Variants in RNF169 observed in about 807,000 individuals in gnomAD.
The protein encoded by RNF169 is ring finger protein 169.
RNF169 carries 24 observed loss-of-function variants against 53.9 expected under a neutral mutation model. That is an observed-to-expected ratio of 0.45 (90% CI 0.32 to 0.63). The LOEUF is 0.63. RNF169 is among the 20% of genes least tolerant of loss of function. The pLI is 0.04. For missense variants in RNF169, 883 were observed against 906.2 expected, an observed-to-expected ratio of 0.97 and a Z score of 0.33; for synonymous variants, 396 against 363.5, an observed-to-expected ratio of 1.09 and a Z score of -1.02.
At chr11:74,772,409 C>A in intron 1 of RNF169, among the ~76,000 whole-genome samples, 1 of 151,164 alleles carries the variant, frequency 6.6e-6, no homozygotes, top group East Asian at 1.9e-4. Context: ...TGTGTGGAAA[C>A]CCCTAGCACA....
intron 4 of RNF169, among the ~76,000 whole-genome samples, chr11:74,818,568 G>GT (rs1344911730): frequency 6.6e-6 from 1 of 151,968 alleles, no homozygotes; most frequent in African/African-American, 2.4e-5. Flanking sequence ...TTTTTAAAAC[G>GT]TTTTTTGTAG....
At chr11:74,757,175 G>A (rs1169491266) in intron 1 of RNF169, among the ~76,000 whole-genome samples, 1 of 118,136 alleles carries the variant, frequency 8.5e-6, no homozygotes, top group East Asian at 2.6e-4. Context: ...AGTCCCCAGA[G>A]TGTGATAGTC....
At chr11:74,831,129 T>C (rs1173998569) in intron 4 of RNF169, 1 of 152,118 alleles carries the variant, frequency 6.6e-6, no homozygotes, top group Non-Finnish European at 1.5e-5. Context: ...CTGTTCAACA[T>C]TGTACTGGAA....
intron 1 of RNF169, among the ~76,000 whole-genome samples, chr11:74,773,431 G>C (rs142461528): frequency 5.9e-5 from 9 of 152,074 alleles, no homozygotes; most frequent in Non-Finnish European, 1.0e-4. Flanking sequence ...ATAGCATTTA[G>C]GATAATATAA....
At chr11:74,799,202 A>T (rs1035752207) in intron 2 of RNF169, among the ~76,000 whole-genome samples, 2 of 152,032 alleles carry the variant, frequency 1.3e-5, no homozygotes, top group African/African-American at 4.8e-5. Flanking sequence ...GAACCAGAAA[A>T]TAAGTATAGA....
chr11:74,824,901 G>A (rs1220928893), intron 4 of RNF169, among the ~76,000 whole-genome samples: 1 of 152,178 alleles, frequency 6.6e-6, no homozygotes, highest in Admixed American at 6.5e-5. Flanking sequence ...ATTAAACTCT[G>A]CAATTAAGAG....
At chr11:74,806,974 A>C (rs560090910) in intron 2 of RNF169, among the ~76,000 whole-genome samples, 5 of 151,944 alleles carry the variant, frequency 3.3e-5, no homozygotes, top group South Asian at 2.1e-4. Flanking sequence ...AAAAGTAAAG[A>C]TTCTTTTCGG....
At chr11:74,767,448 C>T (rs977181549) in intron 1 of RNF169, among the ~76,000 whole-genome samples, 45 of 152,230 alleles carry the variant, frequency 3.0e-4, no homozygotes, top group African/African-American at 9.4e-4. Context: ...CTCTGTCACC[C>T]AGACTGGAGT....
Position 74,836,012 on chromosome 11 carries a change from A to C in RNF169, c.1409A>C (p.His470Pro). ...GAGTTACTAGGCTCTGAAGGTATCC[A>C]TTCTAGCAAGGAGAAGCCACTTGTG... ...GEELLGSEGI[H>P]SSKEKPLVAV... Residue 470 changes from histidine (H) to proline (P), a missense_variant, in exon 6 of 6, where the codon CAT becomes CCT. Transcript: ENST00000299563. 2 of 1,614,180 alleles carry C rather than the reference A, an allele frequency of 1.2e-6. No individual in the cohort carries two copies. The highest frequency in any genetic ancestry group is 8.5e-7 in the Non-Finnish European group (1 of 1,180,036).
chr11:74,786,688 C>T (rs561050664), intron 1 of RNF169, among the ~76,000 whole-genome samples: 55 of 152,338 alleles, frequency 3.6e-4, no homozygotes, highest in Non-Finnish European at 6.6e-4. Flanking sequence ...TGCCACTCTA[C>T]TGGCTAAAAT....
At chr11:74,799,503 T>C (rs967708987) in intron 2 of RNF169, among the ~76,000 whole-genome samples, 2 of 152,188 alleles carry the variant, frequency 1.3e-5, no homozygotes, top group African/African-American at 4.8e-5. Context: ...ACTCAGGTTA[T>C]TTCTGCAGTG....
In RNF169 at chr11:74,836,790, G is replaced by A; in HGVS notation, c.*60G>A. 1 of 1,304,872 alleles carries A rather than the reference G, an allele frequency of 7.7e-7. No individual in the cohort carries two copies. The highest frequency in any genetic ancestry group is 1.1e-6 in the Non-Finnish European group (1 of 947,384). 80.8% of individuals were successfully genotyped at this position (1,304,872 alleles called of 1,614,324 possible). A position where few individuals can be genotyped will look rare whatever the true frequency, so the allele number is the denominator to read the frequency against. On this transcript the variant is annotated 3_prime_UTR_variant, in exon 6 of 6. Transcript: ENST00000299563. ...TTAGGCCTTGATCATTTATCCTGAA[G>A]AGCTGAGTGTTCTCACTTTGGTTTT...
At chr11:74,828,406 A>G (rs180811213) in intron 4 of RNF169, among the ~76,000 whole-genome samples, 1 of 152,368 alleles carries the variant, frequency 6.6e-6, no homozygotes, top group East Asian at 1.9e-4. Flanking sequence ...TGTACTGCCC[A>G]AAGCAATTTA....
At position 74,839,950 on chromosome 11, in the gene RNF169, T is replaced by A. The variant is rs1050592259; in HGVS notation, c.*3220T>A. On this transcript the variant is annotated 3_prime_UTR_variant, in exon 6 of 6. Transcript: ENST00000299563. ...GTGGCTTCACTTATTTTTTAAATTT[T>A]AATTTAATTTTTAAATTTTTGCTTG... 2 of 152,232 alleles carry A rather than the reference T, an allele frequency of 1.3e-5. No individual in the cohort carries two copies. Among genetic ancestry groups the A allele is most frequent in the African/African-American group, 2.4e-5 (1 of 41,474 alleles). 9.4% of individuals were successfully genotyped at this position (152,232 alleles called of 1,614,324 possible).
At chr11:74,817,820 G>A (rs2035958702) in intron 4 of RNF169, 106 bp downstream of exon 4, 1 of 742,270 alleles carries the variant, frequency 1.3e-6, no homozygotes, top group Non-Finnish European at 2.4e-6. Flanking sequence ...TGGTGGGGAG[G>A]TGGAAGGGGA....
intron 1 of RNF169, among the ~76,000 whole-genome samples, chr11:74,788,319 A>G (rs554458291): frequency 1.5e-4 from 22 of 151,548 alleles, no homozygotes; most frequent in Admixed American, 6.5e-4. Context: ...ACACACACAC[A>G]CACACGACCA....
intron 1 of RNF169, among the ~76,000 whole-genome samples, chr11:74,782,061 T>C (rs2035424133): frequency 6.6e-6 from 1 of 152,230 alleles, no homozygotes; most frequent in Non-Finnish European, 1.5e-5. Context: ...TCCAAGTTCA[T>C]CTTTTGGCTT....
At chr11:74,762,564 A>G (rs1332348297) in intron 1 of RNF169, among the ~76,000 whole-genome samples, 1 of 152,220 alleles carries the variant, frequency 6.6e-6, no homozygotes, top group Non-Finnish European at 1.5e-5. Context: ...AAATGCAGAA[A>G]TCACCCGTCT....
chr11:74,799,141 T>C (rs906032666), intron 2 of RNF169, among the ~76,000 whole-genome samples: 2 of 150,982 alleles, frequency 1.3e-5, no homozygotes, highest in Non-Finnish European at 3.0e-5. Context: ...TGAAATGTTA[T>C]ATAATTGAAG....
Sources: allele counts gnomAD v4.1 joint callset (sites outside exome capture counted in the v4.1 genomes callset), GRCh38; gene constraint gnomAD v4.1.1; transcripts MANE v1.5; gene names NCBI Gene and HGNC (gene_info 2026-07-23, HGNC 2026-07-21).